Variants in ADAMTS6 observed in about 807,000 individuals in gnomAD.
ADAMTS6 encodes the protein A disintegrin and metalloproteinase with thrombospondin motifs 6.
A neutral mutation model predicts 144.3 loss-of-function variants in ADAMTS6; 23 were observed. The observed-to-expected ratio is 0.16, with a 90% CI of 0.11 to 0.23. The LOEUF is 0.23. Among genes scored for constraint, ADAMTS6 ranks in the 10% least tolerant of loss-of-function variants. The probability of loss-of-function intolerance (pLI) is 1.00; values close to 1 mark genes in which losing one functional copy is unlikely to be tolerated. For synonymous variants in ADAMTS6, 444 were observed against 457.5 expected (o/e 0.97, Z 0.38); for missense variants, 999 against 1,379.6 (o/e 0.72, Z 4.37).
chr5:65,225,114 C>T, intron 16 of ADAMTS6, 67 bp from the exon 17 acceptor site: 2 of 1,429,312 alleles, frequency 1.4e-6, no homozygotes, highest in African/African-American at 1.4e-5. Flanking sequence ...TAATGAAATA[C>T]ATATAACTTA....
intron 24 of ADAMTS6, among the ~76,000 whole-genome samples, chr5:65,165,960 G>A (rs1753118072): frequency 6.6e-6 from 1 of 150,424 alleles, no homozygotes; most frequent in Non-Finnish European, 1.5e-5. Context: ...AGACTAGGAA[G>A]AAACTGCATC....
chr5:65,237,744 C>T (rs1758792619), intron 15 of ADAMTS6, among the ~76,000 whole-genome samples: 1 of 151,954 alleles, frequency 6.6e-6, no homozygotes, highest in Non-Finnish European at 1.5e-5. Flanking sequence ...AATACAATAA[C>T]ACATAAAAAA....
chr5:65,356,674 T>G (rs1227440536), intron 7 of ADAMTS6, among the ~76,000 whole-genome samples: 1 of 151,908 alleles, frequency 6.6e-6, no homozygotes. Context: ...TGCGTATGTC[T>G]CTTCAAATTA....
At chr5:65,276,150 T>C (rs1198979169) in intron 11 of ADAMTS6, among the ~76,000 whole-genome samples, 2 of 152,220 alleles carry the variant, frequency 1.3e-5, no homozygotes, top group African/African-American at 4.8e-5. Context: ...GTGCTTAAGA[T>C]ACTTTTTTCA....
intron 7 of ADAMTS6, among the ~76,000 whole-genome samples, chr5:65,411,472 T>C (rs1008306685): frequency 6.6e-6 from 1 of 152,214 alleles, no homozygotes; most frequent in African/African-American, 2.4e-5. Flanking sequence ...TATAAATGAC[T>C]GTAATCCAAT....
At chr5:65,303,691 C>T (rs1227616457) in intron 9 of ADAMTS6, among the ~76,000 whole-genome samples, 1 of 151,548 alleles carries the variant, frequency 6.6e-6, no homozygotes, top group Non-Finnish European at 1.5e-5. Flanking sequence ...TTAAAATATA[C>T]ATTAAGATAA....
intron 20 of ADAMTS6, among the ~76,000 whole-genome samples, chr5:65,205,028 C>G (rs1014520546): frequency 6.6e-6 from 1 of 151,868 alleles, no homozygotes; most frequent in African/African-American, 2.4e-5. Context: ...TTGGTAACTC[C>G]TAAGTGAAAG....
At chr5:65,418,392 TCAAA>T (rs1412079643) in intron 7 of ADAMTS6, among the ~76,000 whole-genome samples, 2 of 150,680 alleles carry the variant, frequency 1.3e-5, no homozygotes, top group Non-Finnish European at 2.9e-5. Context: ...TAATGAGCTT[TCAAA>T]CAAACAGCAA....
intron 7 of ADAMTS6, among the ~76,000 whole-genome samples, chr5:65,372,192 C>G (rs1359817978): frequency 2.5e-5 from 3 of 122,202 alleles, no homozygotes; most frequent in African/African-American, 8.6e-5. Flanking sequence ...AGACCATCTG[C>G]ATCAACTACC....
At chr5:65,468,665 A>C (rs1287568269) in intron 3 of ADAMTS6, among the ~76,000 whole-genome samples, 1 of 152,176 alleles carries the variant, frequency 6.6e-6, no homozygotes, top group Non-Finnish European at 1.5e-5. Flanking sequence ...AATAGGTGTT[A>C]ACAGAGGGAA....
intron 15 of ADAMTS6, among the ~76,000 whole-genome samples, chr5:65,233,612 T>C (rs1758430899): frequency 6.6e-6 from 1 of 151,584 alleles, no homozygotes; most frequent in Non-Finnish European, 1.5e-5. Context: ...GGTATAACAC[T>C]GATGAAAAAA....
intron 7 of ADAMTS6, among the ~76,000 whole-genome samples, chr5:65,419,656 TA>T (rs1438177889): frequency 6.6e-6 from 1 of 152,200 alleles, no homozygotes. Flanking sequence ...TATTCAGGCA[TA>T]AAAAGGGATG....
At chr5:65,332,210 A>G (rs553487237) in intron 8 of ADAMTS6, among the ~76,000 whole-genome samples, 4 of 150,750 alleles carry the variant, frequency 2.7e-5, no homozygotes, top group South Asian at 2.1e-4. Context: ...ATTTGCACCA[A>G]TCTAATACAA....
At chr5:65,287,684 C>A (rs560890506) in intron 11 of ADAMTS6, among the ~76,000 whole-genome samples, 122 of 152,268 alleles carry the variant, frequency 8.0e-4, no homozygotes, top group African/African-American at 2.8e-3. Flanking sequence ...GCATGTGCCA[C>A]CACGCCTGGC....
chr5:65,464,845 G>A (rs1254333760), intron 3 of ADAMTS6, among the ~76,000 whole-genome samples: 1 of 151,988 alleles, frequency 6.6e-6, no homozygotes, highest in Non-Finnish European at 1.5e-5. Context: ...CAACTCCAAG[G>A]GATAGTCCTT....
rs146701580 is a variant in ADAMTS6, at chr5:65,332,349, T to G, written c.1117+1693A>C. Among the ~76,000 whole-genome samples, 233 of 149,716 alleles carry G rather than the reference T, an allele frequency of 1.6e-3. 1 individual carries two copies. The highest frequency in any genetic ancestry group is 4.3e-3 in the African/African-American group (176 of 40,962). On this transcript the variant is annotated intron_variant, in intron 8 of 24. Transcript: ENST00000381055. ...GAGAGAGAGAGAGAGAGTGTATATGTGCAAATGTGTGTATGTGTGTATATA... is the reference window on the plus strand; with the variant it reads ...GAGAGAGAGAGAGAGAGTGTATATGGGCAAATGTGTGTATGTGTGTATATA...
At chr5:65,270,149 T>C (rs1736068333) in intron 12 of ADAMTS6, among the ~76,000 whole-genome samples, 1 of 152,202 alleles carries the variant, frequency 6.6e-6, no homozygotes, top group Admixed American at 6.5e-5. Context: ...GGGATGTCAA[T>C]TATTTTTAGA....
chr5:65,182,405 C>T (rs1754416041), intron 22 of ADAMTS6, among the ~76,000 whole-genome samples: 1 of 139,330 alleles, frequency 7.2e-6, no homozygotes, highest in African/African-American at 2.8e-5. Context: ...GACCGTGCCA[C>T]TACACTCCAG....
chr5:65,479,952 A>C (rs1761089151), intron 1 of ADAMTS6, among the ~76,000 whole-genome samples: 1 of 152,214 alleles, frequency 6.6e-6, no homozygotes, highest in African/African-American at 2.4e-5. Context: ...ATTCTTCAAA[A>C]ATTCAAAACA....
Sources: gnomAD v4.1 joint callset for allele counts (sites outside exome capture counted in the v4.1 genomes callset) on GRCh38, gnomAD v4.1.1 for gene constraint, MANE v1.5 for transcripts, NCBI Gene and HGNC (gene_info 2026-07-23, HGNC 2026-07-21) for gene names.